Variants in SLX4IP observed in about 807,000 individuals in gnomAD.
SLX4IP encodes the protein protein SLX4IP.
In SLX4IP, 34 loss-of-function variants were observed where a neutral mutation model predicts 32.9. The ratio of observed to expected loss-of-function variants is 1.03; its 90% confidence interval spans 0.79 to 1.38. The LOEUF (loss-of-function observed/expected upper bound fraction) is 1.38. Among genes scored for constraint, SLX4IP ranks in the 40% most tolerant of loss-of-function variants. The pLI is 0.00. For missense variants in SLX4IP, 444 were observed against 479.0 expected (o/e 0.93, Z 0.68); for synonymous variants, 172 against 171.7 (o/e 1.00, Z -0.01).
intron 2 of SLX4IP, among the ~76,000 whole-genome samples, chr20:10,518,261 G>A (rs2065866875): frequency 6.6e-6 from 1 of 152,224 alleles, no homozygotes; most frequent in South Asian, 2.1e-4. Context: ...TGATTAAACG[G>A]ACATTGTTGC....
rs576842624 is a variant in SLX4IP at position 10,465,239 on chromosome 20, A to G, written c.27+7008A>G. Among the ~76,000 whole-genome samples the G allele has an allele frequency of 1.2e-4, 19 of 152,312 alleles. No homozygotes were observed. In the South Asian group the frequency reaches 3.9e-3, roughly 32 times the overall value. The stretch of plus-strand genomic sequence containing the variant: ...AGTGTTTTAAAATTTCCAAAATAAT[A>G]AACTCTTTAGGGTAGGGAAAAGATC... On this transcript the variant is annotated intron_variant, in intron 2 of 7. Transcript: ENST00000334534.
intron 2 of SLX4IP, among the ~76,000 whole-genome samples, chr20:10,530,312 T>G (rs2065977929): frequency 6.6e-6 from 1 of 152,198 alleles, no homozygotes; most frequent in Non-Finnish European, 1.5e-5. Context: ...ATCTTTGAGC[T>G]TTTTCTTTGT....
intron 2 of SLX4IP, among the ~76,000 whole-genome samples, chr20:10,539,373 A>G (rs1280340262): frequency 6.6e-6 from 1 of 152,230 alleles, no homozygotes; most frequent in Non-Finnish European, 1.5e-5. Flanking sequence ...TAGAAGATTT[A>G]TCAGTGTTCA....
intron 4 of SLX4IP, among the ~76,000 whole-genome samples, chr20:10,578,339 G>C (rs1324769110): frequency 6.6e-6 from 1 of 152,162 alleles, no homozygotes; most frequent in Non-Finnish European, 1.5e-5. Flanking sequence ...ACACCATGTG[G>C]TTCTCTGTAA....
At chr20:10,546,386 A>G (rs1600986638) in intron 2 of SLX4IP, among the ~76,000 whole-genome samples, 1 of 152,358 alleles carries the variant, frequency 6.6e-6, no homozygotes, top group African/African-American at 2.4e-5. Flanking sequence ...GTGTGGCCGG[A>G]GTAAAACCGT....
chr20:10,510,022 T>C (rs2065792824), intron 2 of SLX4IP, among the ~76,000 whole-genome samples: 1 of 152,218 alleles, frequency 6.6e-6, no homozygotes, highest in Non-Finnish European at 1.5e-5. Flanking sequence ...ATTATGCAGC[T>C]ATTAACATTC....
rs925581958 is a variant in SLX4IP at position 10,626,910 on chromosome 20, G to A, written c.*3531G>A. ...AGATATATCTTGGGGACCACAATGGGATCACAGTGTAATTGTTTGCTGTTG... is the reference window on the plus strand; with the variant it reads ...AGATATATCTTGGGGACCACAATGGAATCACAGTGTAATTGTTTGCTGTTG... On this transcript the variant is annotated 3_prime_UTR_variant, in exon 8 of 8. Transcript: ENST00000334534. 2.0e-5 allele frequency: 3 copies of A among 152,174 alleles called. No individual in the cohort carries two copies. The highest frequency in any genetic ancestry group is 7.2e-5 in the African/African-American group (3 of 41,438). 9.4% of individuals were successfully genotyped at this position (152,174 alleles called of 1,614,324 possible). A position where few individuals can be genotyped will look rare whatever the true frequency, so the allele number is the denominator to read the frequency against.
intron 4 of SLX4IP, among the ~76,000 whole-genome samples, chr20:10,573,540 C>T (rs979598858): frequency 3.9e-5 from 6 of 152,176 alleles, no homozygotes; most frequent in African/African-American, 1.4e-4. Flanking sequence ...GGAACTGTAC[C>T]GCAGTCACAG....
At chr20:10,547,144 T>A (rs623839) in intron 2 of SLX4IP, among the ~76,000 whole-genome samples, 88,342 of 151,996 alleles carry the variant, frequency 0.58, 26,202 homozygotes, top group South Asian at 0.75. Context: ...GGGTCAAAAC[T>A]CAAAACTCTT....
At chr20:10,446,337 G>A (rs555099769) in intron 1 of SLX4IP, among the ~76,000 whole-genome samples, 19 of 151,108 alleles carry the variant, frequency 1.3e-4, no homozygotes, top group African/African-American at 4.4e-4. Flanking sequence ...ACTTGAACTC[G>A]GAGGGCAGAG....
At chr20:10,516,087 C>T (rs2065847392) in intron 2 of SLX4IP, among the ~76,000 whole-genome samples, 1 of 152,164 alleles carries the variant, frequency 6.6e-6, no homozygotes, top group African/African-American at 2.4e-5. Context: ...GGGGTTTCAC[C>T]ATGCTGTCTG....
At chr20:10,614,081 C>G in intron 6 of SLX4IP, 1 of 1,544,542 alleles carries the variant, frequency 6.5e-7, no homozygotes, top group Non-Finnish European at 8.9e-7. Context: ...CCTCGCCCAC[C>G]CGGTCCAGGT....
At chr20:10,495,965 T>A (rs2065664185) in intron 2 of SLX4IP, among the ~76,000 whole-genome samples, 1 of 152,070 alleles carries the variant, frequency 6.6e-6, no homozygotes, top group Admixed American at 6.5e-5. Flanking sequence ...ATTTGCTTTT[T>A]CAGCCCTTTT....
At chr20:10,578,667 C>T (rs2066548924) in intron 4 of SLX4IP, among the ~76,000 whole-genome samples, 1 of 152,136 alleles carries the variant, frequency 6.6e-6, no homozygotes, top group African/African-American at 2.4e-5. Flanking sequence ...GACTGTTTTC[C>T]AAGTAGCTGC....
intron 4 of SLX4IP, among the ~76,000 whole-genome samples, chr20:10,596,304 C>G (rs1011435749): frequency 6.6e-6 from 1 of 152,066 alleles, no homozygotes; most frequent in Non-Finnish European, 1.5e-5. Flanking sequence ...CTCACTGCAG[C>G]CTTGAAGCCC....
intron 2 of SLX4IP, among the ~76,000 whole-genome samples, chr20:10,516,426 C>T (rs146159594): frequency 6.6e-6 from 1 of 152,190 alleles, no homozygotes; most frequent in East Asian, 1.9e-4. Context: ...AGGTATGATT[C>T]TAAGGTAATG....
At chr20:10,560,358 T>G (rs1031410064) in intron 3 of SLX4IP, among the ~76,000 whole-genome samples, 1 of 152,248 alleles carries the variant, frequency 6.6e-6, no homozygotes, top group Non-Finnish European at 1.5e-5. Context: ...AACTGATTGA[T>G]ACTTATATGA....
At chr20:10,529,156 A>C (rs1346536794) in intron 2 of SLX4IP, among the ~76,000 whole-genome samples, 1 of 152,226 alleles carries the variant, frequency 6.6e-6, no homozygotes, top group African/African-American at 2.4e-5. Context: ...TAACTTATTT[A>C]AAAGTCCTGT....
At chr20:10,559,655 G>T (rs867210259) in intron 3 of SLX4IP, among the ~76,000 whole-genome samples, 1 of 152,130 alleles carries the variant, frequency 6.6e-6, no homozygotes, top group Admixed American at 6.5e-5. Flanking sequence ...ACTGCAAAGA[G>T]TATCTTCCCA....
Sources: gnomAD v4.1 joint callset for allele counts (sites outside exome capture counted in the v4.1 genomes callset) on GRCh38, gnomAD v4.1.1 for gene constraint, MANE v1.5 for transcripts, NCBI Gene and HGNC (gene_info 2026-07-23, HGNC 2026-07-21) for gene names.